MOB3B: variants seen among roughly 807,000 people sequenced by gnomAD.
The protein encoded by MOB3B is MOB kinase activator 3B.
A neutral mutation model predicts 18.7 loss-of-function variants in MOB3B; 7 were observed. The ratio of observed to expected loss-of-function variants is 0.37; its 90% confidence interval spans 0.21 to 0.70. The LOEUF is 0.70. Ranked by LOEUF, MOB3B falls within the 30% of genes least tolerant of loss-of-function variation. The pLI is 0.52. For missense variants in MOB3B, 253 were observed against 281.3 expected (o/e 0.90, Z 0.72); for synonymous variants, 111 against 99.9 (o/e 1.11, Z -0.66).
intron 2 of MOB3B, among the ~76,000 whole-genome samples, chr9:27,383,884 A>C (rs868291926): frequency 3.3e-5 from 5 of 152,188 alleles, no homozygotes; most frequent in South Asian, 2.1e-4. Flanking sequence ...CATTTCCCCA[A>C]AGTTTGCTCT....
intron 1 of MOB3B, among the ~76,000 whole-genome samples, chr9:27,523,808 C>T (rs77120895): frequency 0.022 from 3,378 of 152,220 alleles, 59 homozygotes; most frequent in Middle Eastern, 0.048. Context: ...CTATACTGTG[C>T]TCTGGTGACC....
intron 1 of MOB3B, among the ~76,000 whole-genome samples, chr9:27,464,060 G>C (rs1206521301): frequency 6.6e-6 from 1 of 152,214 alleles, no homozygotes; most frequent in Non-Finnish European, 1.5e-5. Context: ...CAGTGAAAGT[G>C]CTTCACAAAT....
rs996606899 is a variant in MOB3B, at chr9:27,329,926, C to T, written c.*661G>A. 6.6e-6 allele frequency: 1 copy of T among 152,324 alleles called. No homozygotes were observed. Among genetic ancestry groups the T allele is most frequent in the Non-Finnish European group, 1.5e-5 (1 of 68,040 alleles). The allele number at this position is 152,324 out of a possible 1,614,324, so 9.4% of individuals were successfully genotyped here. A position where few individuals can be genotyped will look rare whatever the true frequency, so the allele number is the denominator to read the frequency against. On this transcript the variant is annotated 3_prime_UTR_variant, in exon 4 of 4. Coordinates refer to ENST00000262244, the MANE Select transcript of MOB3B (RefSeq NM_024761.5). The stretch of plus-strand genomic sequence containing the variant: ...GTGAAGACCCTGTTTGGGGCAGAGA[C>T]AAGCCACCCCATGGAGTGTCCCTGA...
intron 1 of MOB3B, among the ~76,000 whole-genome samples, chr9:27,495,554 C>T (rs771338525): frequency 4.6e-5 from 7 of 152,040 alleles, no homozygotes; most frequent in Non-Finnish European, 8.8e-5. Flanking sequence ...ATCCTGATGG[C>T]CCCAAGGGAC....
rs556286582 is a variant in MOB3B at position 27,338,721 on chromosome 9, G to A, written c.622-8105C>T. Among the ~76,000 whole-genome samples the A allele has an allele frequency of 2.6e-5, 4 of 152,190 alleles. No individual in the cohort carries two copies. In the East Asian group the frequency reaches 7.7e-4, roughly 29 times the overall value. ...AGGGAGGCCACTGTGTCGCTGTCGG[G>A]ACCACAGCTGTCCAAACGAGGCTGG... On this transcript the variant is annotated intron_variant, in intron 3 of 3. Transcript: ENST00000262244.
chr9:27,409,326 G>A (rs183302697), intron 2 of MOB3B, among the ~76,000 whole-genome samples: 2 of 152,220 alleles, frequency 1.3e-5, no homozygotes, highest in African/African-American at 2.4e-5. Context: ...ATTCAGAGAC[G>A]ATCACAGCCA....
chr9:27,461,400 C>A (rs1819285528), intron 1 of MOB3B, among the ~76,000 whole-genome samples: 1 of 152,208 alleles, frequency 6.6e-6, no homozygotes. Context: ...GAAGAGATTC[C>A]TGCCTGAGAA....
chr9:27,455,799 A>G, intron 1 of MOB3B, 51 bp from the exon 2 acceptor site: 1 of 1,378,952 alleles, frequency 7.3e-7, no homozygotes, highest in Non-Finnish European at 9.4e-7. Flanking sequence ...TCGCCTTTAA[A>G]AAATGACAGT....
chr9:27,349,068 T>G (rs931797184), intron 3 of MOB3B, among the ~76,000 whole-genome samples: 42 of 152,224 alleles, frequency 2.8e-4, no homozygotes, highest in African/African-American at 9.9e-4. Flanking sequence ...CAGATCTGCC[T>G]CCAGGCATTA....
At chr9:27,426,377 A>C (rs1361955932) in intron 2 of MOB3B, among the ~76,000 whole-genome samples, 2 of 152,188 alleles carry the variant, frequency 1.3e-5, no homozygotes, top group African/African-American at 2.4e-5. Context: ...AGGAAGGTAT[A>C]GTGTTGGGGT....
intron 1 of MOB3B, among the ~76,000 whole-genome samples, chr9:27,504,969 T>C (rs1264799140): frequency 1.3e-5 from 2 of 152,126 alleles, no homozygotes; most frequent in Non-Finnish European, 2.9e-5. Context: ...TGTCATTGCA[T>C]CTCCTCAGAC....
intron 2 of MOB3B, among the ~76,000 whole-genome samples, chr9:27,414,721 T>C (rs1300695135): frequency 6.6e-6 from 1 of 152,120 alleles, no homozygotes; most frequent in African/African-American, 2.4e-5. Flanking sequence ...TGAGGTTTTT[T>C]CCTCCCCAAT....
chr9:27,492,555 A>G (rs564130716), intron 1 of MOB3B, among the ~76,000 whole-genome samples: 1 of 152,328 alleles, frequency 6.6e-6, no homozygotes, highest in East Asian at 1.9e-4. Flanking sequence ...AGCATCTAGC[A>G]CCATAAATTA....
intron 1 of MOB3B, among the ~76,000 whole-genome samples, chr9:27,478,185 G>A (rs778897109): frequency 2.0e-5 from 3 of 152,182 alleles, no homozygotes; most frequent in Non-Finnish European, 4.4e-5. Flanking sequence ...AACCAGGGAA[G>A]AAGCAAACTC....
At chr9:27,515,618 T>C (rs2131503633) in intron 1 of MOB3B, among the ~76,000 whole-genome samples, 1 of 152,336 alleles carries the variant, frequency 6.6e-6, no homozygotes, top group South Asian at 2.1e-4. Flanking sequence ...CAAAGAATAC[T>C]TAAAGACAAT....
intron 1 of MOB3B, among the ~76,000 whole-genome samples, chr9:27,479,667 A>C (rs562276005): frequency 3.3e-5 from 5 of 152,370 alleles, no homozygotes; most frequent in Non-Finnish European, 5.9e-5. Flanking sequence ...AGGGAAAGGC[A>C]TTATAAACAA....
rs372036800 is a variant in MOB3B at position 27,402,487 on chromosome 9, C to A, written c.419-43251G>T. ...GCCTACATCTGGGGACAATTATAGA[C>A]AATACAGTCCTTTATCTCATTGCCT... On this transcript the variant is annotated intron_variant, in intron 2 of 3. Transcript: ENST00000262244. Among the ~76,000 whole-genome samples, 6 of 152,122 alleles carry A rather than the reference C, an allele frequency of 3.9e-5. No homozygotes were observed. The East Asian group carries it at 7.7e-4, about 20-fold the overall frequency.
chr9:27,380,675 G>T (rs909356669), intron 2 of MOB3B, among the ~76,000 whole-genome samples: 2 of 151,894 alleles, frequency 1.3e-5, no homozygotes, highest in Non-Finnish European at 2.9e-5. Context: ...CCAGCTTCTG[G>T]CCCCTCCCCA....
chr9:27,480,883 A>G (rs80157010), intron 1 of MOB3B, among the ~76,000 whole-genome samples: 61 of 152,326 alleles, frequency 4.0e-4, no homozygotes, highest in Non-Finnish European at 6.2e-4. Flanking sequence ...TGATAAATAT[A>G]TAAGTAAATC....
Sources: allele counts gnomAD v4.1 joint callset (sites outside exome capture counted in the v4.1 genomes callset), GRCh38; gene constraint gnomAD v4.1.1; transcripts MANE v1.5; gene names NCBI Gene and HGNC (gene_info 2026-07-23, HGNC 2026-07-21).